KIAA1217: variants seen among roughly 807,000 people sequenced by gnomAD.
The protein encoded by KIAA1217 is KIAA1217, also known as sickle tail protein homolog.
KIAA1217 carries 88 observed loss-of-function variants against 163.9 expected under a neutral mutation model. The ratio of observed to expected loss-of-function variants is 0.54; its 90% CI spans 0.45 to 0.64. The LOEUF is 0.64. Ranked by LOEUF, KIAA1217 falls within the 30% of genes least tolerant of loss-of-function variation. The probability of loss-of-function intolerance (pLI) is 0.00; values close to 1 mark genes in which losing one functional copy is unlikely to be tolerated. For missense variants in KIAA1217, 2,372 were observed against 2,475.0 expected (o/e 0.96, Z 0.88); for synonymous variants, 903 against 923.1 (o/e 0.98, Z 0.39).
chr10:24,476,706 G>A (rs2064080607), intron 6 of KIAA1217, among the ~76,000 whole-genome samples: 1 of 151,954 alleles, frequency 6.6e-6, no homozygotes, highest in African/African-American at 2.4e-5. Flanking sequence ...ATCTTGCCAA[G>A]GTGACTCCCC....
At chr10:24,228,976 A>G (rs981449206) in intron 2 of KIAA1217, among the ~76,000 whole-genome samples, 6 of 152,224 alleles carry the variant, frequency 3.9e-5, no homozygotes, top group African/African-American at 1.4e-4. Flanking sequence ...GAACTCCAGC[A>G]TGGACTATGC....
intron 2 of KIAA1217, among the ~76,000 whole-genome samples, chr10:24,079,360 G>A (rs187084860): frequency 6.6e-6 from 1 of 152,216 alleles, no homozygotes; most frequent in African/African-American, 2.4e-5. Flanking sequence ...CTATTATAGG[G>A]CCATGAGGCA....
chr10:24,077,836 A>C (rs942758525), intron 2 of KIAA1217, among the ~76,000 whole-genome samples: 1 of 152,218 alleles, frequency 6.6e-6, no homozygotes, highest in Non-Finnish European at 1.5e-5. Context: ...TTTTCTCCAC[A>C]ATGTGGCCAG....
At chr10:24,283,446 C>G (rs2078190465) in intron 2 of KIAA1217, among the ~76,000 whole-genome samples, 1 of 152,106 alleles carries the variant, frequency 6.6e-6, no homozygotes, top group Admixed American at 6.5e-5. Context: ...GTGAGCAGAT[C>G]ACTTGAGGTC....
intron 3 of KIAA1217, among the ~76,000 whole-genome samples, chr10:24,419,166 C>T (rs965098968): frequency 2.0e-4 from 27 of 137,762 alleles, no homozygotes; most frequent in African/African-American, 5.2e-4. Flanking sequence ...GAGCAAGACT[C>T]GTCTCCAAAA....
At chr10:24,368,807 C>G in intron 2 of KIAA1217, 4 of 978,658 alleles carry the variant, frequency 4.1e-6, no homozygotes, top group Non-Finnish European at 4.9e-6. Flanking sequence ...GCTGAGCCAT[C>G]TAGAATCACC....
intron 3 of KIAA1217, among the ~76,000 whole-genome samples, chr10:24,428,763 G>C (rs1034257510): frequency 3.3e-5 from 5 of 150,756 alleles, no homozygotes; most frequent in African/African-American, 9.8e-5. Flanking sequence ...TACTTGAGAA[G>C]ATTGCTTGAA....
intron 2 of KIAA1217, among the ~76,000 whole-genome samples, chr10:24,194,958 C>G (rs528847559): frequency 2.0e-5 from 3 of 152,090 alleles, no homozygotes; most frequent in African/African-American, 7.2e-5. Flanking sequence ...ACGAGGATAA[C>G]AAGTCCCCAG....
At chr10:23,939,009 T>C (rs1254375561) in intron 1 of KIAA1217, among the ~76,000 whole-genome samples, 2 of 151,882 alleles carry the variant, frequency 1.3e-5, no homozygotes, top group South Asian at 2.1e-4. Context: ...TCCCATAGAG[T>C]CAAGAAAGTA....
At chr10:24,220,347 C>G (rs752142984) in intron 2 of KIAA1217, among the ~76,000 whole-genome samples, 1 of 151,396 alleles carries the variant, frequency 6.6e-6, no homozygotes, top group Non-Finnish European at 1.5e-5. Context: ...TACACAAATA[C>G]ATAAATGTAT....
At chr10:24,434,622 C>T in intron 4 of KIAA1217, among the ~76,000 whole-genome samples, 1 of 152,194 alleles carries the variant, frequency 6.6e-6, no homozygotes, top group East Asian at 1.9e-4. Flanking sequence ...AGGCGTGGGC[C>T]ACCACACCTG....
intron 1 of KIAA1217, among the ~76,000 whole-genome samples, chr10:24,006,030 AT>A (rs1387886103): frequency 6.6e-6 from 1 of 152,174 alleles, no homozygotes. Flanking sequence ...AAGGCTACTC[AT>A]CTCTCCTGTG....
At chr10:24,394,621 T>C (rs141190625) in intron 3 of KIAA1217, among the ~76,000 whole-genome samples, 61 of 152,306 alleles carry the variant, frequency 4.0e-4, no homozygotes, top group African/African-American at 1.4e-3. Flanking sequence ...GGACTGACTT[T>C]AAAATATCCA....
chr10:24,122,073 A>C (rs2063302570), intron 2 of KIAA1217, among the ~76,000 whole-genome samples: 1 of 152,130 alleles, frequency 6.6e-6, no homozygotes, highest in South Asian at 2.1e-4. Flanking sequence ...GTATTATGTG[A>C]TACTGAGGTT....
chr10:24,178,880 T>C lies in KIAA1217; in HGVS notation c.-170-40746T>C, dbSNP rs558547268. The stretch of plus-strand genomic sequence containing the variant: ...ATGGGACATATGAGGAAAAACAGAG[T>C]AGTTTCTTTTAAGTATCCCAAATTT... On this transcript the variant is annotated intron_variant, in intron 2 of 18. Transcript: ENST00000376462. 1.2e-4 allele frequency among the ~76,000 whole-genome samples: 19 copies of C among 152,166 alleles called. No individual in the cohort carries two copies. In the East Asian group the frequency reaches 3.1e-3, roughly 25 times the overall value.
intron 2 of KIAA1217, among the ~76,000 whole-genome samples, chr10:24,186,827 C>T (rs1181223768): frequency 1.3e-5 from 2 of 152,120 alleles, no homozygotes; most frequent in African/African-American, 4.8e-5. Flanking sequence ...AAAGCAGAGG[C>T]TGCAGTGGGC....
rs933340369 is a variant in KIAA1217, at chr10:24,410,202, G to T, written c.554-22793G>T. ...GTAGAGACAGGGTTTCACCATGTTG[G>T]CCAGGCTGGTCTCGAACTCCCAACC... On this transcript the variant is annotated intron_variant, in intron 3 of 20. Coordinates refer to ENST00000376454, the MANE Select transcript of KIAA1217 (RefSeq NM_019590.5). 3.3e-5 allele frequency among the ~76,000 whole-genome samples: 5 copies of T among 151,986 alleles called. No individual in the cohort carries two copies. In the East Asian group the frequency reaches 9.7e-4, roughly 30 times the overall value.
At chr10:23,785,549 C>T (rs912400669) in intron 1 of KIAA1217, among the ~76,000 whole-genome samples, 4 of 152,126 alleles carry the variant, frequency 2.6e-5, no homozygotes, top group African/African-American at 9.7e-5. Context: ...TGTAAATATG[C>T]ACATGTATAC....
In KIAA1217 at chr10:24,449,584, A is replaced by T. The variant is rs986198826; in HGVS notation, c.846+11105A>T. ...CGTGAAATAGTTTTAACAAGAGTGG[A>T]TACTGCTCCTTTAAACCACATATTT... On this transcript the variant is annotated intron_variant, in intron 5 of 20. Coordinates refer to ENST00000376454, the MANE Select transcript of KIAA1217 (RefSeq NM_019590.5). 6.1e-6 allele frequency: 6 copies of T among 985,304 alleles called. No homozygotes were observed. In the African/African-American group the frequency reaches 1.0e-4, roughly 17 times the overall value. 61.0% of individuals were successfully genotyped at this position (985,304 alleles called of 1,614,324 possible).
Sources: allele counts gnomAD v4.1 joint callset (sites outside exome capture counted in the v4.1 genomes callset), GRCh38; gene constraint gnomAD v4.1.1; transcripts MANE v1.5; gene names NCBI Gene and HGNC (gene_info 2026-07-23, HGNC 2026-07-21).